LEKR1: variants seen among roughly 807,000 people sequenced by gnomAD.
LEKR1 encodes leucine, glutamate and lysine rich 1.
LEKR1 carries 59 observed loss-of-function variants against 72.4 expected under a neutral mutation model. The ratio of observed to expected loss-of-function variants is 0.82; its 90% confidence interval spans 0.66 to 1.01. The LOEUF (loss-of-function observed/expected upper bound fraction) is 1.01, where lower values mean the gene tolerates loss of function less well. Among genes scored for constraint, LEKR1 ranks in the 50% least tolerant of loss-of-function variants. The pLI, the probability that LEKR1 is intolerant of heterozygous loss-of-function variation, is 0.00. For synonymous variants in LEKR1, 257 were observed against 263.2 expected, an observed-to-expected ratio of 0.98 and a Z score of 0.23; for missense variants, 728 against 759.2, an observed-to-expected ratio of 0.96 and a Z score of 0.48.
intron 2 of LEKR1, among the ~76,000 whole-genome samples, chr3:156,831,372 T>C (rs1048417572): frequency 6.6e-6 from 1 of 152,232 alleles, no homozygotes; most frequent in Non-Finnish European, 1.5e-5. Flanking sequence ...CAGACCCCTC[T>C]AATTCTCTTA....
At chr3:156,855,579 G>A (rs1229736671) in intron 3 of LEKR1, among the ~76,000 whole-genome samples, 1 of 151,984 alleles carries the variant, frequency 6.6e-6, no homozygotes, top group Non-Finnish European at 1.5e-5. Context: ...TCACTTCATT[G>A]TATTTTTTTG....
intron 6 of LEKR1, among the ~76,000 whole-genome samples, chr3:156,961,583 A>G (rs1442003829): frequency 6.6e-6 from 1 of 152,158 alleles, no homozygotes; most frequent in Non-Finnish European, 1.5e-5. Context: ...AGTTTCATCC[A>G]TGTTGTAGCA....
At chr3:156,984,021 T>C (rs1158913611) in intron 7 of LEKR1, among the ~76,000 whole-genome samples, 1 of 152,008 alleles carries the variant, frequency 6.6e-6, no homozygotes, top group Non-Finnish European at 1.5e-5. Context: ...AGAATAAGTA[T>C]AACTGATATC....
chr3:156,989,627 C>A (rs1344350600), intron 7 of LEKR1, among the ~76,000 whole-genome samples: 1 of 152,120 alleles, frequency 6.6e-6, no homozygotes, highest in Non-Finnish European at 1.5e-5. Context: ...TAATATTTTT[C>A]TATTTCTTCT....
chr3:156,871,863 T>C (rs1717999354), intron 3 of LEKR1, among the ~76,000 whole-genome samples: 1 of 152,126 alleles, frequency 6.6e-6, no homozygotes, highest in African/African-American at 2.4e-5. Context: ...TTTTTGCATT[T>C]ATGTTCATCA....
At chr3:157,035,977 GTCTA>G (rs1734943651) in intron 12 of LEKR1, among the ~76,000 whole-genome samples, 1 of 152,146 alleles carries the variant, frequency 6.6e-6, no homozygotes, top group East Asian at 1.9e-4. Flanking sequence ...TCCATGTTCA[GTCTA>G]CCTACTTAGA....
intron 6 of LEKR1, among the ~76,000 whole-genome samples, chr3:156,974,670 T>G (rs996687360): frequency 6.6e-6 from 1 of 152,154 alleles, no homozygotes; most frequent in Non-Finnish European, 1.5e-5. Context: ...GACTCTGTAG[T>G]ACAAAACATG....
intron 3 of LEKR1, among the ~76,000 whole-genome samples, chr3:156,853,539 A>G (rs1715654563): frequency 6.6e-6 from 1 of 152,098 alleles, no homozygotes; most frequent in Non-Finnish European, 1.5e-5. Context: ...CTGGTGTTTT[A>G]TAGTTTTTCC....
At chr3:156,942,741 G>A (rs545076732) in intron 6 of LEKR1, 27 bp downstream of exon 6, 6 of 1,064,060 alleles carry the variant, frequency 5.6e-6, no homozygotes, top group East Asian at 7.3e-5. Flanking sequence ...TGCTGTTTTT[G>A]GTGACTAGTT....
chr3:157,000,125 T>A (rs1167189497), intron 9 of LEKR1, among the ~76,000 whole-genome samples: 3 of 152,130 alleles, frequency 2.0e-5, no homozygotes. Context: ...CTCCTCTCAA[T>A]TTCTTGTTCA....
At chr3:157,025,861 TAA>T (rs35449146) in intron 11 of LEKR1, among the ~76,000 whole-genome samples, 1 of 146,990 alleles carries the variant, frequency 6.8e-6, no homozygotes. Flanking sequence ...CTGTCTCTAT[TAA>T]AAAAAAAAAA....
chr3:156,909,512 G>A (rs1366338931), intron 3 of LEKR1, among the ~76,000 whole-genome samples: 6 of 152,018 alleles, frequency 3.9e-5, no homozygotes, highest in African/African-American at 9.7e-5. Context: ...TTAGCTGGGT[G>A]TGGTGGCATG....
At chr3:156,930,593 A>G (rs189479437) in intron 5 of LEKR1, among the ~76,000 whole-genome samples, 1 of 152,298 alleles carries the variant, frequency 6.6e-6, no homozygotes, top group Admixed American at 6.5e-5. Context: ...ACATGTAGCT[A>G]AAAAGCTAAT....
intron 5 of LEKR1, among the ~76,000 whole-genome samples, chr3:156,930,369 T>A (rs1040755246): frequency 2.6e-5 from 4 of 152,132 alleles, no homozygotes; most frequent in African/African-American, 4.8e-5. Context: ...CACATGCTTA[T>A]TTAAAGCAAG....
chr3:156,976,068 C>A (rs1326477247), intron 6 of LEKR1, among the ~76,000 whole-genome samples: 1 of 152,116 alleles, frequency 6.6e-6, no homozygotes, highest in Non-Finnish European at 1.5e-5. Flanking sequence ...AATGGTGTTT[C>A]TTTATTTATT....
intron 5 of LEKR1, among the ~76,000 whole-genome samples, chr3:156,935,306 A>G (rs1725591040): frequency 6.6e-6 from 1 of 152,214 alleles, no homozygotes; most frequent in Non-Finnish European, 1.5e-5. Context: ...GGTGAACACA[A>G]CAGATGGGGT....
intron 6 of LEKR1, among the ~76,000 whole-genome samples, chr3:156,972,773 A>C (rs1729347705): frequency 1.3e-5 from 2 of 151,400 alleles, no homozygotes; most frequent in South Asian, 4.1e-4. Context: ...AAATAATTTA[A>C]AATAGTGAAA....
intron 6 of LEKR1, among the ~76,000 whole-genome samples, chr3:156,955,482 T>A (rs959487440): frequency 5.3e-5 from 8 of 152,116 alleles, no homozygotes; most frequent in African/African-American, 1.9e-4. Context: ...GCTGTGGGTT[T>A]GTCATATATG....
chr3:156,856,973 A>G (rs1212509107), intron 3 of LEKR1, among the ~76,000 whole-genome samples: 1 of 152,032 alleles, frequency 6.6e-6, no homozygotes, highest in African/African-American at 2.4e-5. Context: ...TGTAGAATGC[A>G]TCTTTATATT....
Sources: allele counts gnomAD v4.1 joint callset (sites outside exome capture counted in the v4.1 genomes callset), GRCh38; gene constraint gnomAD v4.1.1; transcripts MANE v1.5; gene names NCBI Gene and HGNC (gene_info 2026-07-23, HGNC 2026-07-21).